Variants in KLHL41 observed in about 807,000 individuals in gnomAD.
KLHL41 encodes the protein kelch-like protein 41.
In KLHL41, 31 loss-of-function variants were observed where a neutral mutation model predicts 49.2. The observed-to-expected ratio is 0.63, with a 90% CI of 0.47 to 0.85. The LOEUF (loss-of-function observed/expected upper bound fraction) is 0.85. KLHL41 is among the 40% of genes least tolerant of loss of function. KLHL41 has a pLI of 0.00. For synonymous variants in KLHL41, 218 were observed against 258.5 expected, an observed-to-expected ratio of 0.84 and a Z score of 1.50; for missense variants, 663 against 726.7, an observed-to-expected ratio of 0.91 and a Z score of 1.01.
At chr2:169,520,608 T>A (rs1409179850) in intron 4 of KLHL41, among the ~76,000 whole-genome samples, 2 of 151,562 alleles carry the variant, frequency 1.3e-5, no homozygotes, top group East Asian at 1.9e-4. Context: ...CGCGCCACCG[T>A]GCCTGGCTAA....
In KLHL41 at chr2:169,518,185, T is replaced by C. The variant is rs1310199006; in HGVS notation, c.1377-5T>C. 6.2e-7 allele frequency: 1 copy of C among 1,601,674 alleles called. No individual in the cohort carries two copies. The highest frequency in any genetic ancestry group is 8.5e-7 in the Non-Finnish European group (1 of 1,173,150). On this transcript the variant is annotated splice_region_variant and splice_polypyrimidine_tract_variant and intron_variant, in intron 3 of 5. Coordinates refer to ENST00000284669, the MANE Select transcript of KLHL41 (RefSeq NM_006063.3). ...TAAAAGGAACATTTGTTTTTCTGTT[T>C]ACAGAAAATGTACAAACAGGGTGTT...
Position 169,525,783 on chromosome 2 carries a change from G to T in KLHL41, c.*87G>T. On this transcript the variant is annotated 3_prime_UTR_variant, in exon 6 of 6. Transcript: ENST00000284669. The stretch of plus-strand genomic sequence containing the variant: ...ATTCTGTTTTTTAAAAGCTTGTACA[G>T]ACACTCATGTAGAAATTATTCAAGA... 1.4e-6 allele frequency: 1 copy of T among 699,652 alleles called. No individual in the cohort carries two copies. Among genetic ancestry groups the T allele is most frequent in the Non-Finnish European group, 2.5e-6 (1 of 407,788 alleles). 43.3% of individuals were successfully genotyped at this position (699,652 alleles called of 1,614,324 possible). A position where few individuals can be genotyped will look rare whatever the true frequency, so the allele number is the denominator to read the frequency against.
intron 1 of KLHL41, among the ~76,000 whole-genome samples, chr2:169,513,030 T>C (rs16856992): frequency 2.1e-3 from 316 of 152,280 alleles, no homozygotes; most frequent in African/African-American, 7.5e-3. Flanking sequence ...AATAGCTTGA[T>C]AGTTCCTCTA....
At chr2:169,515,036 T>TTTTC in intron 3 of KLHL41, 75 bp downstream of exon 3, 43 of 215,076 alleles carry the variant, frequency 2.0e-4, no homozygotes, top group Middle Eastern at 2.0e-3. Flanking sequence ...TTTTCTTTTC[T>TTTTC]TTTTTTTTTT....
At chr2:169,524,741 G>T (rs1193847904) in intron 5 of KLHL41, among the ~76,000 whole-genome samples, 1 of 151,902 alleles carries the variant, frequency 6.6e-6, no homozygotes, top group Non-Finnish European at 1.5e-5. Flanking sequence ...TTTGTGGAGA[G>T]ATATTAATAT....
Position 169,514,563 on chromosome 2 carries a change from GT to G in KLHL41, c.1111-4del, listed in dbSNP as rs752977858. On this transcript the variant is annotated splice_polypyrimidine_tract_variant and intron_variant, in intron 1 of 5. Transcript: ENST00000284669. ...ACAGGCTCCACAATCTCTCATATATGTTTTTTTCAGCTCGATAGCATAGCAT... is the reference window on the plus strand; with the variant it reads ...ACAGGCTCCACAATCTCTCATATATGTTTTTTCAGCTCGATAGCATAGCAT... 7.7e-5 allele frequency: 124 copies of G among 1,602,090 alleles called. No individual in the cohort carries two copies. Among genetic ancestry groups the G allele is most frequent in the Non-Finnish European group, 9.9e-5 (117 of 1,176,340 alleles).
At chr2:169,515,120 G>A (rs1396961605) in intron 3 of KLHL41, among the ~76,000 whole-genome samples, 159 bp downstream of exon 3, 3 of 147,318 alleles carry the variant, frequency 2.0e-5, no homozygotes, top group East Asian at 2.0e-4. Flanking sequence ...TGCAACCGCC[G>A]CCTCCTGGGT....
At chr2:169,522,095 AT>A (rs1224062804) in intron 5 of KLHL41, among the ~76,000 whole-genome samples, 1 of 151,998 alleles carries the variant, frequency 6.6e-6, no homozygotes, top group Non-Finnish European at 1.5e-5. Flanking sequence ...TTGTTTGCAC[AT>A]TTAAGTTTAT....
rs766915245 is a variant in KLHL41 at position 169,510,571 on chromosome 2, G to A, written c.793G>A (p.Glu265Lys). ...AGATGCTTTCGCAGGCAAACTCCCA[G>A]AACCTAGCAAAAATGCCGCGAAGAC... The part of the protein sequence containing the change: ...LKDAFAGKLP[E>K]PSKNAAKTGA... Residue 265 changes from glutamate (E) to lysine (K), a missense_variant, in exon 1 of 6, where the codon GAA becomes AAA. By Grantham distance (56) the Glu-to-Lys change is moderately conservative. Transcript: ENST00000284669. This position sits in a 1 kb window ranked among gnomAD's most constrained non-coding sequence, Gnocchi z 4.2. 6.2e-7 allele frequency: 1 copy of A among 1,614,044 alleles called. No individual in the cohort carries two copies. The highest frequency in any genetic ancestry group is 8.5e-7 in the Non-Finnish European group (1 of 1,180,036).
At chr2:169,518,781 G>A (rs1684155571) in intron 4 of KLHL41, among the ~76,000 whole-genome samples, 2 of 152,204 alleles carry the variant, frequency 1.3e-5, no homozygotes, top group Admixed American at 1.3e-4. Context: ...CTGGGCTCAG[G>A]TGATCCTCTC....
intron 1 of KLHL41, among the ~76,000 whole-genome samples, chr2:169,511,366 A>G (rs548665650): frequency 4.9e-4 from 74 of 152,334 alleles, no homozygotes; most frequent in African/African-American, 1.8e-3. Flanking sequence ...ACTAAATTTA[A>G]TCTTGTATAC....
Position 169,510,399 on chromosome 2 carries a change from C to A in KLHL41, c.621C>A (p.Asp207Glu), listed in dbSNP as rs765721396. Residue 207 changes from aspartate (D) to glutamate (E), a missense_variant, in exon 1 of 6, where the codon GAC (aspartate) becomes GAA (glutamate). Physicochemically the swap from Asp to Glu is conservative, Grantham distance 45. This residue lies in a region of KLHL41 where 528 missense variants were observed against 581.0 expected (regional missense o/e 0.91). Transcript: ENST00000284669. The surrounding 1 kb of genome is among the most constrained non-coding windows in gnomAD (Gnocchi z 4.2). ...CAGTGATGAAATGGGTGCGAACAGA[C>A]AAGGAAAACAGGGTTAAAAACCTTA... ...FEAVMKWVRT[D>E]KENRVKNLSE... 5 of 1,613,956 alleles carry A rather than the reference C, an allele frequency of 3.1e-6. No homozygotes were observed. The highest frequency in any genetic ancestry group is 1.7e-5 in the Admixed American group (1 of 59,994).
chr2:169,523,296 C>A (rs886885738), intron 5 of KLHL41, among the ~76,000 whole-genome samples: 1 of 152,180 alleles, frequency 6.6e-6, no homozygotes, highest in Non-Finnish European at 1.5e-5. Context: ...GTTGCCTGCA[C>A]GTTCGAATCA....
chr2:169,514,551 TC>T, intron 1 of KLHL41, 22 bp from the exon 2 acceptor site: 1 of 1,433,716 alleles, frequency 7.0e-7, no homozygotes, highest in East Asian at 2.8e-5. Context: ...GGCTCCACAA[TC>T]TCTCATATAT....
At chr2:169,514,507 CT>C (rs1454695503) in intron 1 of KLHL41, 66 bp from the exon 2 acceptor site, 18 of 1,376,100 alleles carry the variant, frequency 1.3e-5, no homozygotes, top group Admixed American at 2.0e-5. Flanking sequence ...TAAAGTATAA[CT>C]TTTTTTGGTG....
In KLHL41 at chr2:169,510,495, T is replaced by C. The variant is rs1015852239; in HGVS notation, c.717T>C (p.Asp239=). The C allele has an allele frequency of 3.1e-6, 5 of 1,613,882 alleles. No homozygotes were observed. The East Asian group carries it at 8.9e-5, about 29-fold the overall frequency. The change falls in exon 1 of 6, where the codon GAT becomes GAC. Residue 239 remains aspartate (D), a synonymous_variant. Transcript: ENST00000284669. This position sits in a 1 kb window ranked among gnomAD's most constrained non-coding sequence, Gnocchi z 4.2. ...ATTTTAAGGATCATGTTGAGAAAGA[T>C]GATATAATTAAAAGCAACCCAGACC... ...EKYFKDHVEK[D]DIIKSNPDLQ... is the part of the protein sequence containing the mutation.
intron 1 of KLHL41, among the ~76,000 whole-genome samples, chr2:169,511,238 T>C (rs1403090605): frequency 2.0e-5 from 3 of 152,200 alleles, no homozygotes; most frequent in Non-Finnish European, 4.4e-5. Flanking sequence ...TTAGCAGAGA[T>C]GGGCTCTCAC....
chr2:169,525,878 A>G lies in KLHL41; in HGVS notation c.*182A>G, dbSNP rs376371740. On this transcript the variant is annotated 3_prime_UTR_variant, in exon 6 of 6. Transcript: ENST00000284669. ...ATTGACTCTTCAATGTAATGATCAG[A>G]GTTTAAAACCATTTTCTAATAATAA... The G allele has an allele frequency of 7.6e-5, 31 of 408,944 alleles. No individual in the cohort carries two copies. Among genetic ancestry groups the G allele is most frequent in the African/African-American group, 2.2e-4 (11 of 48,906 alleles). 25.3% of individuals were successfully genotyped at this position (408,944 alleles called of 1,614,324 possible).
Position 169,514,869 on chromosome 2 carries a change from C to A in KLHL41, c.1284C>A (p.Asn428Lys). 1 of 1,603,222 alleles carries A rather than the reference C, an allele frequency of 6.2e-7. No individual in the cohort carries two copies. Among genetic ancestry groups the A allele is most frequent in the Non-Finnish European group, 8.5e-7 (1 of 1,177,026 alleles). Residue 428 changes from asparagine to lysine, a missense_variant, in exon 3 of 6, where the codon AAC becomes AAA. This residue lies in a region of KLHL41 where 528 missense variants were observed against 581.0 expected (regional missense o/e 0.91). Transcript: ENST00000284669. ...TTAATTTTAGGGCTGCAAAATGGAA[C>A]GAAGTAAAAAAACTCCCTATCAAAG... ...LCYDPVAAKWNEVKKLPIKVY... is the reference protein window; with the variant it reads ...LCYDPVAAKWKEVKKLPIKVY...
Sources: allele counts gnomAD v4.1 joint callset (sites outside exome capture counted in the v4.1 genomes callset), GRCh38; gene constraint gnomAD v4.1.1; regional missense constraint gnomAD v4.1.1; non-coding constraint Gnocchi (gnomAD v3.1); transcripts MANE v1.5; gene names NCBI Gene and HGNC (gene_info 2026-07-23, HGNC 2026-07-21).